Variants in TUSC3 observed in about 807,000 individuals in gnomAD.
The protein encoded by TUSC3 is dolichyl-diphosphooligosaccharide--protein glycosyltransferase subunit TUSC3.
A neutral mutation model predicts 44.8 loss-of-function variants in TUSC3; 45 were observed. The ratio of observed to expected loss-of-function variants is 1.00; its 90% CI spans 0.79 to 1.29. The LOEUF (loss-of-function observed/expected upper bound fraction) is 1.29. TUSC3 is among the 50% of genes most tolerant of loss of function. The probability of loss-of-function intolerance (pLI) is 0.00; values close to 1 mark genes in which losing one functional copy is unlikely to be tolerated. For synonymous variants in TUSC3, 212 were observed against 152.9 expected, an observed-to-expected ratio of 1.39 and a Z score of -2.85; for missense variants, 519 against 437.9, an observed-to-expected ratio of 1.19 and a Z score of -1.65.
At chr8:15,750,825 G>A (rs1294512282) in intron 9 of TUSC3, among the ~76,000 whole-genome samples, 2 of 151,998 alleles carry the variant, frequency 1.3e-5, no homozygotes, top group Non-Finnish European at 2.9e-5. Flanking sequence ...CCTTCAGCAG[G>A]CCTCATAATG....
At chr8:15,521,302 AG>A (rs1801294131) in intron 2 of TUSC3, among the ~76,000 whole-genome samples, 1 of 152,132 alleles carries the variant, frequency 6.6e-6, no homozygotes, top group Non-Finnish European at 1.5e-5. Context: ...ACTGACCTTC[AG>A]GGTTCATGCA....
intron 2 of TUSC3, among the ~76,000 whole-genome samples, chr8:15,490,752 A>T (rs1800797393): frequency 6.6e-6 from 1 of 152,252 alleles, no homozygotes; most frequent in South Asian, 2.1e-4. Context: ...TATTTAACAA[A>T]ATGAAAGAAA....
intron 1 of TUSC3, among the ~76,000 whole-genome samples, chr8:15,473,737 A>T (rs971477180): frequency 2.6e-5 from 4 of 152,182 alleles, no homozygotes; most frequent in Non-Finnish European, 5.9e-5. Context: ...ACAAGATCAC[A>T]TGCTTCAAAG....
intron 3 of TUSC3, among the ~76,000 whole-genome samples, chr8:15,657,733 C>G (rs1807236203): frequency 6.6e-6 from 1 of 152,124 alleles, no homozygotes; most frequent in South Asian, 2.1e-4. Flanking sequence ...AAAACCATTT[C>G]ACCTTTCCAG....
At chr8:15,527,540 A>G (rs1242938809) in intron 2 of TUSC3, among the ~76,000 whole-genome samples, 1 of 152,100 alleles carries the variant, frequency 6.6e-6, no homozygotes, top group Non-Finnish European at 1.5e-5. Flanking sequence ...TTTAAAAAAT[A>G]TTTTTGTATT....
chr8:15,585,475 A>G (rs1029593397), intron 1 of TUSC3, among the ~76,000 whole-genome samples: 2 of 152,172 alleles, frequency 1.3e-5, no homozygotes, highest in Non-Finnish European at 2.9e-5. Context: ...GTCTGCTGTG[A>G]AGAGGGGACC....
At chr8:15,664,061 T>C (rs1585206574) in intron 5 of TUSC3, among the ~76,000 whole-genome samples, 1 of 151,844 alleles carries the variant, frequency 6.6e-6, no homozygotes, top group South Asian at 2.1e-4. Flanking sequence ...AAGCTAGTAA[T>C]AGTTGGCATT....
chr8:15,683,521 T>C (rs935289443), intron 6 of TUSC3, among the ~76,000 whole-genome samples: 11 of 152,210 alleles, frequency 7.2e-5, no homozygotes, highest in African/African-American at 2.6e-4. Context: ...TACTATATCT[T>C]TGTTGTATTT....
At chr8:15,532,768 T>C (rs1179470828) in intron 2 of TUSC3, among the ~76,000 whole-genome samples, 2 of 152,164 alleles carry the variant, frequency 1.3e-5, no homozygotes, top group African/African-American at 4.8e-5. Context: ...TCCTGTGCTG[T>C]TCTCATGATA....
At chr8:15,462,409 CAG>C (rs1247679520) in intron 1 of TUSC3, among the ~76,000 whole-genome samples, 1 of 151,998 alleles carries the variant, frequency 6.6e-6, no homozygotes, top group Non-Finnish European at 1.5e-5. Flanking sequence ...ATTTTCATTG[CAG>C]AGATAGGTAA....
In TUSC3 at chr8:15,573,202, C is replaced by CTATA. The variant is rs373565575; in HGVS notation, c.138+32659_138+32662dup. 9.1e-3 allele frequency among the ~76,000 whole-genome samples: 673 copies of CTATA among 74,010 alleles called. 2 individuals carry two copies. The highest frequency in any genetic ancestry group is 1.0e-2 in the Non-Finnish European group (413 of 41,492). 48.6% of individuals were successfully genotyped at this position (74,010 alleles called of 152,430 possible). Reference sequence around the variant, plus strand: ...TCTCTCTCTCTCTCTCTCTCTCTCTCTATATATATATATATATATATATAT... The same window carrying CTATA: ...TCTCTCTCTCTCTCTCTCTCTCTCTCTATATATATATATATATATATATATATAT... On this transcript the variant is annotated intron_variant, in intron 1 of 10. Coordinates refer to ENST00000503731, the MANE Select transcript of TUSC3 (RefSeq NM_006765.4).
chr8:15,571,958 T>C (rs1026614933), intron 1 of TUSC3, among the ~76,000 whole-genome samples: 2 of 152,190 alleles, frequency 1.3e-5, no homozygotes, highest in Non-Finnish European at 2.9e-5. Flanking sequence ...CCAGGCTTTC[T>C]TGTTCCATTT....
chr8:15,582,662 A>G (rs1487991093), intron 1 of TUSC3, among the ~76,000 whole-genome samples: 1 of 152,220 alleles, frequency 6.6e-6, no homozygotes, highest in Admixed American at 6.5e-5. Flanking sequence ...AGCACTGGTC[A>G]CATGACATTG....
chr8:15,539,517 C>G (rs535696227), upstream of TUSC3, among the ~76,000 whole-genome samples: 10 of 151,600 alleles, frequency 6.6e-5, no homozygotes, highest in Non-Finnish European at 1.2e-4. Context: ...TGCCCGGCTA[C>G]TTTTTGTATT....
the TUSC3 span, among the ~76,000 whole-genome samples, chr8:15,820,561 G>A: frequency 6.6e-6 from 1 of 151,908 alleles, no homozygotes; most frequent in Non-Finnish European, 1.5e-5. Context: ...CTCATGATCG[G>A]CCCACCTCAG....
intron 2 of TUSC3, among the ~76,000 whole-genome samples, chr8:15,633,565 G>T (rs2129168893): frequency 6.6e-6 from 1 of 152,268 alleles, no homozygotes; most frequent in East Asian, 1.9e-4. Context: ...TATGACCGAT[G>T]CCATATCAGC....
At chr8:15,804,529 C>G in the TUSC3 span, among the ~76,000 whole-genome samples, 1 of 151,946 alleles carries the variant, frequency 6.6e-6, no homozygotes, top group Non-Finnish European at 1.5e-5. Context: ...TGCGGTTATT[C>G]TTCTGCATAT....
chr8:15,631,055 A>C (rs1358952156), intron 2 of TUSC3, among the ~76,000 whole-genome samples: 2 of 151,920 alleles, frequency 1.3e-5, no homozygotes, highest in African/African-American at 2.4e-5. Flanking sequence ...AGTTTCCTTA[A>C]ATTTCTTGGC....
At chr8:15,455,294 C>A (rs1056446990) in intron 1 of TUSC3, among the ~76,000 whole-genome samples, 1 of 152,038 alleles carries the variant, frequency 6.6e-6, no homozygotes, top group Non-Finnish European at 1.5e-5. Flanking sequence ...TTTCGGGAGG[C>A]AAGAGAAAAG....
Sources: allele counts gnomAD v4.1 joint callset (sites outside exome capture counted in the v4.1 genomes callset), GRCh38; gene constraint gnomAD v4.1.1; transcripts MANE v1.5; gene names NCBI Gene and HGNC (gene_info 2026-07-23, HGNC 2026-07-21).